The following DOCK2 variants were observed in gnomAD, a reference collection of about 807,000 sequenced individuals.
The protein encoded by DOCK2 is dedicator of cytokinesis 2, also known as dedicator of cytokinesis protein 2.
A neutral mutation model predicts 248.9 loss-of-function variants in DOCK2; 87 were observed. The observed-to-expected ratio is 0.35, with a 90% CI of 0.29 to 0.42. The LOEUF (loss-of-function observed/expected upper bound fraction) is 0.42. Ranked by LOEUF, DOCK2 falls within the 10% of genes least tolerant of loss-of-function variation. The probability of loss-of-function intolerance (pLI) is 1.00; values close to 1 mark genes in which losing one functional copy is unlikely to be tolerated. For synonymous variants in DOCK2, 805 were observed against 821.6 expected, an observed-to-expected ratio of 0.98 and a Z score of 0.35; for missense variants, 1,747 against 2,300.2, an observed-to-expected ratio of 0.76 and a Z score of 4.92.
At chr5:169,725,293 GA>G (rs1169706645) in intron 22 of DOCK2, among the ~76,000 whole-genome samples, 1 of 152,142 alleles carries the variant, frequency 6.6e-6, no homozygotes, top group Admixed American at 6.5e-5. Flanking sequence ...GGATGAAAGA[GA>G]AAACTGTCAC....
Position 170,077,793 on chromosome 5 carries a change from C to A in DOCK2, c.4950C>A (p.Ser1650=). The A allele has an allele frequency of 6.2e-7, 1 of 1,613,894 alleles. No individual in the cohort carries two copies. Among genetic ancestry groups the A allele is most frequent in the Non-Finnish European group, 8.5e-7 (1 of 1,179,994 alleles). The part of the protein sequence containing the change: ...YRQMSIISLA[S]MNSDCSTPSK... ...AGATGTCCATCATCTCTCTGGCTTC[C>A]ATGAATTCTGACTGCAGCACCCCCA... is the stretch of plus-strand genomic sequence containing the variant. The change falls in exon 48 of 52, where the codon TCC becomes TCA. Residue 1650 remains serine (S), a synonymous_variant. Transcript: ENST00000520908.
chr5:170,029,047 C>T (rs555095357), intron 34 of DOCK2, among the ~76,000 whole-genome samples: 1 of 152,106 alleles, frequency 6.6e-6, no homozygotes, highest in Non-Finnish European at 1.5e-5. Flanking sequence ...CATGCAGGTA[C>T]AAGTTTTTGT....
intron 43 of DOCK2, 103 bp from the exon 44 acceptor site, chr5:170,057,477 G>T: frequency 2.2e-6 from 2 of 917,270 alleles, no homozygotes; most frequent in South Asian, 1.4e-5. Flanking sequence ...TAGATGGGAG[G>T]CCCGGGGACC....
chr5:169,662,318 A>G (rs1158111768), intron 2 of DOCK2, among the ~76,000 whole-genome samples: 2 of 152,166 alleles, frequency 1.3e-5, no homozygotes, highest in African/African-American at 2.4e-5. Flanking sequence ...ATTTATTTTT[A>G]TACTATTGAG....
At chr5:170,013,431 A>C (rs1755384332) in intron 32 of DOCK2, among the ~76,000 whole-genome samples, 1 of 152,074 alleles carries the variant, frequency 6.6e-6, no homozygotes, top group Non-Finnish European at 1.5e-5. Flanking sequence ...GTCTTGGGCT[A>C]TCCAAGTGGG....
intron 22 of DOCK2, among the ~76,000 whole-genome samples, chr5:169,720,525 C>A (rs1762138715): frequency 6.6e-6 from 1 of 151,906 alleles, no homozygotes; most frequent in South Asian, 2.1e-4. Flanking sequence ...CTTTACAAAG[C>A]CTCTTGCAGT....
chr5:170,019,956 T>C (rs968924007), intron 33 of DOCK2, among the ~76,000 whole-genome samples: 1 of 152,128 alleles, frequency 6.6e-6, no homozygotes, highest in Non-Finnish European at 1.5e-5. Flanking sequence ...CTCTTATTCC[T>C]ACCATATCCT....
chr5:170,043,819 A>G (rs1410997051), intron 38 of DOCK2, among the ~76,000 whole-genome samples: 1 of 152,260 alleles, frequency 6.6e-6, no homozygotes, highest in Non-Finnish European at 1.5e-5. Context: ...GTCCTCAGCA[A>G]GATATTCAAT....
chr5:169,973,674 G>T lies in DOCK2; in HGVS notation c.2800-9394G>T, dbSNP rs117934715. On this transcript the variant is annotated intron_variant, in intron 27 of 51. Coordinates refer to ENST00000520908, the MANE Select transcript of DOCK2 (RefSeq NM_004946.3). ...AACTAGATATATTTCCCAGTATGCGGTATTGGTACCTCATACAGAACCCTT... is the reference window on the plus strand; with the variant it reads ...AACTAGATATATTTCCCAGTATGCGTTATTGGTACCTCATACAGAACCCTT... 3.6e-4 allele frequency among the ~76,000 whole-genome samples: 55 copies of T among 152,290 alleles called. No homozygotes were observed. In the East Asian group the frequency reaches 0.011, roughly 29 times the overall value.
intron 25 of DOCK2, among the ~76,000 whole-genome samples, chr5:169,769,627 A>G (rs1445010960): frequency 2.6e-5 from 4 of 152,290 alleles, no homozygotes; most frequent in African/African-American, 9.6e-5. Flanking sequence ...CCTGGACCCT[A>G]CTCCAAAGAT....
At chr5:170,001,396 C>G (rs1228978849) in intron 30 of DOCK2, among the ~76,000 whole-genome samples, 1 of 152,034 alleles carries the variant, frequency 6.6e-6, no homozygotes, top group East Asian at 1.9e-4. Flanking sequence ...CAACCTTAAC[C>G]AACAAAGCTG....
chr5:169,780,187 C>T (rs1352287072), intron 25 of DOCK2, among the ~76,000 whole-genome samples: 1 of 152,124 alleles, frequency 6.6e-6, no homozygotes, highest in African/African-American at 2.4e-5. Flanking sequence ...CCAGTTTGCC[C>T]TGGTGATTGC....
intron 27 of DOCK2, among the ~76,000 whole-genome samples, chr5:169,898,657 C>A (rs1286070617): frequency 6.6e-6 from 1 of 152,156 alleles, no homozygotes; most frequent in Non-Finnish European, 1.5e-5. Flanking sequence ...TCAAAAAACT[C>A]TTTCAATCAA....
chr5:170,052,562 C>G (rs1009157364), intron 41 of DOCK2, among the ~76,000 whole-genome samples: 6 of 152,160 alleles, frequency 3.9e-5, no homozygotes, highest in Admixed American at 2.6e-4. Context: ...TTAATTTTCC[C>G]TATTTCATGG....
intron 27 of DOCK2, chr5:169,934,805 G>A: frequency 2.3e-6 from 1 of 441,126 alleles, no homozygotes; most frequent in Non-Finnish European, 4.6e-6. Context: ...ATTATTATCT[G>A]TATGATAAAT....
At chr5:169,778,522 G>C (rs1376436746) in intron 25 of DOCK2, among the ~76,000 whole-genome samples, 5 of 152,226 alleles carry the variant, frequency 3.3e-5, no homozygotes, top group Non-Finnish European at 4.4e-5. Context: ...GGCAACACCT[G>C]TAAGACTTTG....
chr5:169,998,601 G>T (rs1754727987), intron 30 of DOCK2, among the ~76,000 whole-genome samples: 1 of 152,150 alleles, frequency 6.6e-6, no homozygotes, highest in Non-Finnish European at 1.5e-5. Context: ...TATTTTTTCT[G>T]CTCTAAGGAG....
At chr5:170,035,506 C>T (rs532132890) in intron 35 of DOCK2, among the ~76,000 whole-genome samples, 24 of 152,250 alleles carry the variant, frequency 1.6e-4, no homozygotes, top group Admixed American at 1.6e-3. Flanking sequence ...CTCCACCAGG[C>T]CCAGTTTACA....
intron 30 of DOCK2, among the ~76,000 whole-genome samples, chr5:170,005,058 A>G (rs1754974659): frequency 8.2e-6 from 1 of 121,396 alleles, no homozygotes; most frequent in African/African-American, 4.2e-5. Context: ...CCTAAAACTT[A>G]AAGTATAATA....
Sources: allele counts gnomAD v4.1 joint callset (sites outside exome capture counted in the v4.1 genomes callset), GRCh38; gene constraint gnomAD v4.1.1; transcripts MANE v1.5; gene names NCBI Gene and HGNC (gene_info 2026-07-23, HGNC 2026-07-21).